ANKRD17: variants seen among roughly 807,000 people sequenced by gnomAD.
ANKRD17 encodes the protein ankyrin repeat domain 17.
ANKRD17 carries 19 observed loss-of-function variants against 229.7 expected under a neutral mutation model. The ratio of observed to expected loss-of-function variants is 0.08; its 90% CI spans 0.06 to 0.12. ANKRD17 has a LOEUF of 0.12. Ranked by LOEUF, ANKRD17 falls within the 10% of genes least tolerant of loss-of-function variation. The pLI is 1.00. For missense variants in ANKRD17, 2,176 were observed against 3,176.8 expected, an observed-to-expected ratio of 0.68 and a Z score of 7.57; for synonymous variants, 1,112 against 1,146.1, an observed-to-expected ratio of 0.97 and a Z score of 0.60.
chr4:73,237,878 T>A (rs1743651385), intron 1 of ANKRD17, among the ~76,000 whole-genome samples: 1 of 152,178 alleles, frequency 6.6e-6, no homozygotes, highest in Admixed American at 6.5e-5. Flanking sequence ...ACATAAATTC[T>A]AAAAACTTAA....
chr4:73,160,210 CTTTTTTTTT>C (rs144486458), intron 3 of ANKRD17, among the ~76,000 whole-genome samples: 4 of 61,586 alleles, frequency 6.5e-5, no homozygotes, highest in Non-Finnish European at 8.6e-5. Context: ...TTTCTTATCA[CTTTTTTTTT>C]TTTTTTTTTT....
intron 32 of ANKRD17, 25 bp downstream of exon 32, chr4:73,077,330 A>G: frequency 1.3e-6 from 2 of 1,575,286 alleles, no homozygotes; most frequent in Non-Finnish European, 1.7e-6. Context: ...TCCCTTAAAT[A>G]ACTAGTACAA....
chr4:73,129,825 C>T (rs1475916499), intron 16 of ANKRD17, among the ~76,000 whole-genome samples: 1 of 148,382 alleles, frequency 6.7e-6, no homozygotes, highest in Non-Finnish European at 1.5e-5. Flanking sequence ...AGTGCAGTGG[C>T]TCACTCAGCT....
chr4:73,101,698 T>C (rs1011956032), intron 25 of ANKRD17, among the ~76,000 whole-genome samples: 2 of 145,698 alleles, frequency 1.4e-5, no homozygotes, highest in African/African-American at 5.1e-5. Context: ...ATAGGCGCAA[T>C]GTCAGGATGT....
chr4:73,110,183 T>C (rs908510380), intron 24 of ANKRD17, among the ~76,000 whole-genome samples: 2 of 152,202 alleles, frequency 1.3e-5, no homozygotes, highest in Non-Finnish European at 2.9e-5. Flanking sequence ...GAACGTAACT[T>C]AGTTGTTAAT....
rs751845445 is a variant in ANKRD17 at position 73,139,568 on chromosome 4, A to G, written c.3048T>C (p.Ala1016=). 6.2e-7 allele frequency: 1 copy of G among 1,614,116 alleles called. No individual in the cohort carries two copies. Among genetic ancestry groups the G allele is most frequent in the Non-Finnish European group, 8.5e-7 (1 of 1,179,998 alleles). The change falls in exon 15 of 34, where the codon GCT becomes GCC. Residue 1016 remains alanine (A), a synonymous_variant. Coordinates refer to ENST00000358602, the MANE Select transcript of ANKRD17 (RefSeq NM_032217.5). The stretch of plus-strand genomic sequence containing the variant: ...CATCCAGCGTGTCATTGAGGGTCTG[A>G]GCAGGGCTGGCTACCATTAACCCTT... ...TQQGLMVASP[A]QTLNDTLDDI...
intron 2 of ANKRD17, among the ~76,000 whole-genome samples, chr4:73,163,674 T>TAGAA (rs1471483824): frequency 2.0e-5 from 3 of 152,314 alleles, no homozygotes; most frequent in Admixed American, 2.0e-4. Context: ...GCAGCCTAGA[T>TAGAA]TAAGCACCGA....
intron 18 of ANKRD17, among the ~76,000 whole-genome samples, chr4:73,122,247 G>C (rs1560550403): frequency 6.6e-6 from 1 of 152,078 alleles, no homozygotes; most frequent in Non-Finnish European, 1.5e-5. Context: ...TCACTACCTA[G>C]ATTTTAGGTC....
chr4:73,255,220 G>C (rs1413765201), intron 1 of ANKRD17, among the ~76,000 whole-genome samples: 1 of 152,080 alleles, frequency 6.6e-6, no homozygotes, highest in African/African-American at 2.4e-5. Context: ...TATTCTTATT[G>C]TTCAACAATT....
At chr4:73,086,946 A>C (rs1277224568) in intron 29 of ANKRD17, among the ~76,000 whole-genome samples, 2 of 90,482 alleles carry the variant, frequency 2.2e-5, no homozygotes, top group African/African-American at 8.5e-5. Flanking sequence ...ATATATATAT[A>C]TATATATCTG....
At chr4:73,258,011 C>T (rs984700093) in intron 1 of ANKRD17, among the ~76,000 whole-genome samples, 10 of 147,034 alleles carry the variant, frequency 6.8e-5, no homozygotes, top group Non-Finnish European at 1.3e-4. Flanking sequence ...TTCCCTCCAT[C>T]CTTAACCAAG....
At chr4:73,205,426 A>C (rs1159440308) in intron 1 of ANKRD17, among the ~76,000 whole-genome samples, 1 of 152,240 alleles carries the variant, frequency 6.6e-6, no homozygotes, top group Non-Finnish European at 1.5e-5. Context: ...TAAAGAACCC[A>C]GAAATCAATC....
At chr4:73,118,907 T>C in intron 21 of ANKRD17, 57 bp from the exon 22 acceptor site, 1 of 1,211,110 alleles carries the variant, frequency 8.3e-7, no homozygotes, top group Non-Finnish European at 1.1e-6. Context: ...TTTTTTTTGA[T>C]ACAGGGTCTT....
At chr4:73,224,646 T>C (rs1742276746) in intron 1 of ANKRD17, among the ~76,000 whole-genome samples, 1 of 152,214 alleles carries the variant, frequency 6.6e-6, no homozygotes, top group African/African-American at 2.4e-5. Context: ...TTGCTTACTA[T>C]ATGCCATTTT....
At chr4:73,210,818 G>C (rs2149154416) in intron 1 of ANKRD17, among the ~76,000 whole-genome samples, 1 of 151,804 alleles carries the variant, frequency 6.6e-6, no homozygotes, top group Non-Finnish European at 1.5e-5. Context: ...AAATCATCTA[G>C]TATACCTATG....
chr4:73,217,000 T>C (rs749087909), intron 1 of ANKRD17, among the ~76,000 whole-genome samples: 17 of 152,328 alleles, frequency 1.1e-4, no homozygotes, highest in Middle Eastern at 6.8e-3. Flanking sequence ...AGTGATCAAG[T>C]GACTTCATAT....
At chr4:73,146,717 A>T in intron 10 of ANKRD17, 47 bp downstream of exon 10, 1 of 1,330,328 alleles carries the variant, frequency 7.5e-7, no homozygotes, top group Non-Finnish European at 1.0e-6. Context: ...ATTTAAAATT[A>T]ATTTCTTATT....
intron 1 of ANKRD17, among the ~76,000 whole-genome samples, chr4:73,246,121 C>T (rs1471812067): frequency 6.6e-6 from 1 of 152,120 alleles, no homozygotes; most frequent in Non-Finnish European, 1.5e-5. Context: ...GCAAAGGAAA[C>T]AGACAGCAGT....
chr4:73,191,419 CATAA>C (rs1356633034), intron 1 of ANKRD17, among the ~76,000 whole-genome samples: 9 of 135,932 alleles, frequency 6.6e-5, no homozygotes, highest in African/African-American at 2.5e-4. Flanking sequence ...CTACTAGAAA[CATAA>C]ATAAAACTAA....
Sources: gnomAD v4.1 joint callset for allele counts (sites outside exome capture counted in the v4.1 genomes callset) on GRCh38, gnomAD v4.1.1 for gene constraint, MANE v1.5 for transcripts, NCBI Gene and HGNC (gene_info 2026-07-23, HGNC 2026-07-21) for gene names.